Variants in AKT3 observed in about 807,000 individuals in gnomAD.
AKT3 encodes the protein AKT serine/threonine kinase 3.
AKT3 carries 15 observed loss-of-function variants against 65.3 expected under a neutral mutation model. That is an observed-to-expected ratio of 0.23 (90% CI 0.15 to 0.35). The LOEUF (loss-of-function observed/expected upper bound fraction) is 0.35. Ranked by LOEUF, AKT3 falls within the 10% of genes least tolerant of loss-of-function variation. The probability of loss-of-function intolerance (pLI) is 1.00; values close to 1 mark genes in which losing one functional copy is unlikely to be tolerated. For missense variants in AKT3, 243 were observed against 576.5 expected (o/e 0.42, Z 5.92); for synonymous variants, 206 against 183.8 (o/e 1.12, Z -0.98).
intron 8 of AKT3, among the ~76,000 whole-genome samples, chr1:243,608,156 C>G (rs1439301876): frequency 1.3e-5 from 2 of 152,136 alleles, no homozygotes; most frequent in Non-Finnish European, 2.9e-5. Context: ...TACTACACAC[C>G]TGGGCTATAT....
intron 2 of AKT3, among the ~76,000 whole-genome samples, chr1:243,772,749 G>A (rs2148282744): frequency 6.6e-6 from 1 of 152,220 alleles, no homozygotes; most frequent in Middle Eastern, 3.4e-3. Context: ...TATGTTTATT[G>A]AGGCACTACT....
At chr1:243,688,462 G>C (rs1014119750) in intron 3 of AKT3, among the ~76,000 whole-genome samples, 9 of 152,116 alleles carry the variant, frequency 5.9e-5, no homozygotes, top group African/African-American at 1.9e-4. Flanking sequence ...AAGGAGAACG[G>C]TATTTGCAAA....
At chr1:243,539,577 G>A (rs947312836) in intron 12 of AKT3, among the ~76,000 whole-genome samples, 1 of 151,926 alleles carries the variant, frequency 6.6e-6, no homozygotes, top group Non-Finnish European at 1.5e-5. Context: ...AGCAACATAA[G>A]CCATTTTCTG....
chr1:243,818,411 A>T (rs1024654757), intron 2 of AKT3, among the ~76,000 whole-genome samples: 1 of 152,174 alleles, frequency 6.6e-6, no homozygotes, highest in African/African-American at 2.4e-5. Context: ...TATCTCACAC[A>T]TCCCAGTTTC....
intron 12 of AKT3, among the ~76,000 whole-genome samples, chr1:243,512,938 C>T (rs529742540): frequency 5.9e-5 from 9 of 152,322 alleles, no homozygotes; most frequent in African/African-American, 1.9e-4. Flanking sequence ...AAGAGATGGG[C>T]ATTGATGCCT....
rs1421776415 is a variant in AKT3 at position 243,637,707 on chromosome 1, A to G, written c.465T>C (p.Gly155=). The part of the protein sequence containing the change: ...MNDFDYLKLL[G]KGTFGKVILV... ...AAATAACTTTCCCAAAAGTGCCTTT[A>G]CCTAGTAGTTTCAAATAGTCAAAAT... Residue 155 remains glycine, a synonymous_variant, in exon 6 of 14, where the codon GGT becomes GGC. Transcript: ENST00000673466. The G allele has an allele frequency of 1.9e-6, 3 of 1,579,256 alleles. No homozygotes were observed. The highest frequency in any genetic ancestry group is 2.7e-5 in the African/African-American group (2 of 74,126).
At chr1:243,744,755 A>T (rs1032553580) in intron 2 of AKT3, among the ~76,000 whole-genome samples, 23 of 151,086 alleles carry the variant, frequency 1.5e-4, no homozygotes, top group African/African-American at 5.1e-4. Flanking sequence ...AAAAAAAAAA[A>T]AAAAATTATT....
chr1:243,565,910 ACT>A lies in AKT3; in HGVS notation c.820-2064_820-2063del, dbSNP rs1216379167. On this transcript the variant is annotated intron_variant, in intron 9 of 13. Coordinates refer to ENST00000673466, the MANE Select transcript of AKT3 (RefSeq NM_005465.7). ...AAAATGCTGAAGATCTTTAGTGAAT[ACT>A]CTTTTACTAATATAATACATTAACA... 3.9e-5 allele frequency among the ~76,000 whole-genome samples: 6 copies of A among 152,300 alleles called. No homozygotes were observed. The South Asian group carries it at 1.0e-3, about 26-fold the overall frequency.
chr1:243,545,709 G>A, intron 11 of AKT3, 112 bp from the exon 12 acceptor site: 1 of 697,456 alleles, frequency 1.4e-6, no homozygotes, highest in Non-Finnish European at 2.4e-6. Context: ...CAGTTCTTGG[G>A]ATAAATAGCT....
chr1:243,849,849 AC>A lies in AKT3; in HGVS notation c.-113+190del, dbSNP rs1287328341. Among the ~76,000 whole-genome samples, 5 of 150,500 alleles carry A rather than the reference AC, an allele frequency of 3.3e-5. No homozygotes were observed. In the South Asian group the frequency reaches 1.0e-3, roughly 32 times the overall value. On this transcript the variant is annotated intron_variant, in intron 1 of 13. Coordinates refer to ENST00000673466, the MANE Select transcript of AKT3 (RefSeq NM_005465.7). ...GGCATCCCCCGGCCTCCACACCCAC[AC>A]CCGAAGCCTCCGGTGACCCAGCCCC...
intron 3 of AKT3, among the ~76,000 whole-genome samples, chr1:243,684,562 G>A: frequency 6.6e-6 from 1 of 152,146 alleles, no homozygotes; most frequent in East Asian, 1.9e-4. Flanking sequence ...TATCACTGAT[G>A]GTCATTTGGG....
intron 12 of AKT3, among the ~76,000 whole-genome samples, chr1:243,519,648 C>T (rs1013743330): frequency 6.6e-6 from 1 of 152,258 alleles, no homozygotes; most frequent in Non-Finnish European, 1.5e-5. Flanking sequence ...GAGTCCTCCT[C>T]CACCAAGATA....
intron 2 of AKT3, among the ~76,000 whole-genome samples, chr1:243,803,969 T>C (rs1408897622): frequency 1.3e-5 from 2 of 152,172 alleles, no homozygotes; most frequent in Non-Finnish European, 2.9e-5. Flanking sequence ...CCTGAGGCTA[T>C]AAGCACACAA....
chr1:243,805,499 T>C (rs1692667549), intron 2 of AKT3, among the ~76,000 whole-genome samples: 2 of 152,210 alleles, frequency 1.3e-5, no homozygotes, highest in Admixed American at 6.5e-5. Flanking sequence ...ATTTTTCAAA[T>C]GAATGGTTTA....
intron 12 of AKT3, among the ~76,000 whole-genome samples, chr1:243,526,389 G>C (rs904823257): frequency 7.9e-5 from 12 of 152,154 alleles, no homozygotes; most frequent in Admixed American, 5.9e-4. Flanking sequence ...TGCAGGAGGA[G>C]GTGGAGCTGA....
Position 243,489,098 on chromosome 1 carries a change from G to A in AKT3, c.*7-648C>T, listed in dbSNP as rs967998814. Reference sequence around the variant, plus strand: ...GCAAGCAGAACCAGCTTCTCCTGGAGAGGCAGAGCCTGTCGGAAGAGGTGG... The same window carrying A: ...GCAAGCAGAACCAGCTTCTCCTGGAAAGGCAGAGCCTGTCGGAAGAGGTGG... On this transcript the variant is annotated intron_variant, in intron 13 of 13. Coordinates refer to the AKT3 transcript ENST00000336199. 6.2e-7 allele frequency: 1 copy of A among 1,613,314 alleles called. No individual in the cohort carries two copies. Among genetic ancestry groups the A allele is most frequent in the Non-Finnish European group, 8.5e-7 (1 of 1,180,010 alleles).
intron 7 of AKT3, 38 bp downstream of exon 7, chr1:243,615,058 A>G: frequency 1.5e-6 from 2 of 1,379,262 alleles, no homozygotes; most frequent in Non-Finnish European, 1.0e-6. Flanking sequence ...TTAAATTTCA[A>G]ATGTTACGAT....
chr1:243,769,846 T>C (rs553025744), intron 2 of AKT3, among the ~76,000 whole-genome samples: 3 of 152,230 alleles, frequency 2.0e-5, no homozygotes, highest in Non-Finnish European at 4.4e-5. Context: ...TCTTTTTCAT[T>C]GACTGCTTGT....
At chr1:243,596,914 T>C (rs1046563518) in intron 8 of AKT3, among the ~76,000 whole-genome samples, 3 of 152,090 alleles carry the variant, frequency 2.0e-5, no homozygotes, top group Non-Finnish European at 4.4e-5. Flanking sequence ...TCAAAAAACA[T>C]TACGCAGAAT....
Sources: gnomAD v4.1 joint callset for allele counts (sites outside exome capture counted in the v4.1 genomes callset) on GRCh38, gnomAD v4.1.1 for gene constraint, MANE v1.5 for transcripts, NCBI Gene and HGNC (gene_info 2026-07-23, HGNC 2026-07-21) for gene names.